Variants in RUNX1T1 observed in about 807,000 individuals in gnomAD.
RUNX1T1 encodes the protein RUNX1 partner transcriptional co-repressor 1.
Under a neutral mutation model 62.8 loss-of-function variants are expected in RUNX1T1, and 4 were observed. The observed-to-expected ratio is 0.06, with a 90% CI of 0.03 to 0.15. The LOEUF is 0.15. Ranked by LOEUF, RUNX1T1 falls within the 10% of genes least tolerant of loss-of-function variation. The pLI is 1.00. For missense variants in RUNX1T1, 508 were observed against 754.3 expected, an observed-to-expected ratio of 0.67 and a Z score of 3.82; for synonymous variants, 291 against 286.0, an observed-to-expected ratio of 1.02 and a Z score of -0.18.
At chr8:92,004,935 A>C in intron 5 of RUNX1T1, 181 bp downstream of exon 6, 2 of 553,810 alleles carry the variant, frequency 3.6e-6, no homozygotes, top group Non-Finnish European at 6.2e-6. Context: ...GTCCCAGGCC[A>C]GAGATTCAAA....
chr8:91,968,685 C>G (rs1395206692), intron 10 of RUNX1T1, among the ~76,000 whole-genome samples: 1 of 152,160 alleles, frequency 6.6e-6, no homozygotes, highest in African/African-American at 2.4e-5. Context: ...CAAAAATTAT[C>G]TTAATGATCC....
upstream of RUNX1T1, chr8:92,102,875 G>C (rs1439646036): frequency 1.8e-5 from 28 of 1,520,922 alleles, no homozygotes; most frequent in Admixed American, 5.5e-4. This position sits in a 1 kb window ranked among gnomAD's most constrained non-coding sequence, Gnocchi z 4.5. Context: ...GGGCCGGAGA[G>C]TCCCACCATC....
At chr8:91,956,401 T>C (rs1480644068), downstream of RUNX1T1, 1 of 229,330 alleles carries the variant, frequency 4.4e-6, no homozygotes. Context: ...GAATAAACTC[T>C]ACAGATTTGA....
chr8:92,060,133 ACAT>A (rs1195384907), intron 1 of RUNX1T1, among the ~76,000 whole-genome samples: 1 of 152,130 alleles, frequency 6.6e-6, no homozygotes, highest in Admixed American at 6.5e-5. Flanking sequence ...TCATAAGAAA[ACAT>A]TTTCCTTTTC....
chr8:91,960,666 A>T lies in RUNX1T1; in HGVS notation c.1459-149T>A, dbSNP rs888282981. 9 of 800,114 alleles carry T rather than the reference A, an allele frequency of 1.1e-5. No homozygotes were observed. The African/African-American group carries it at 1.6e-4, about 14-fold the overall frequency. 49.6% of individuals were successfully genotyped at this position (800,114 alleles called of 1,614,324 possible). A position where few individuals can be genotyped will look rare whatever the true frequency, so the allele number is the denominator to read the frequency against. ...TCCAGGTGTTCACGTATGGATACAA[A>T]CACTAAACACAGAAGATGCAGGTTT... On this transcript the variant is annotated intron_variant, in intron 10 of 10. Transcript: ENST00000396218.
In RUNX1T1 at chr8:92,060,922, T is replaced by TGAGAGA. The variant is rs56103756; in HGVS notation, c.7+1618_7+1623dup. Among the ~76,000 whole-genome samples the TGAGAGA allele has an allele frequency of 9.0e-3, 1,320 of 146,502 alleles. 11 individuals carry two copies. The highest frequency in any genetic ancestry group is 0.026 in the African/African-American group (1,034 of 40,080). ...GTACAAGGTTTTCTAACACAGTTGA[T>TGAGAGA]GAGAGAGAGAGAGAGAGAGAGAGAG... On this transcript the variant is annotated intron_variant, in intron 1 of 10. Transcript: ENST00000396218.
chr8:92,027,395 G>A (rs77780799), intron 1 of RUNX1T1, among the ~76,000 whole-genome samples: 2,634 of 152,182 alleles, frequency 0.017, 82 homozygotes, highest in African/African-American at 0.06. Flanking sequence ...CTCTGTGGCA[G>A]AAGTCCATGG....
At chr8:92,097,958 T>C (rs1837863605) in intron 1 of RUNX1T1, among the ~76,000 whole-genome samples, 1 of 152,220 alleles carries the variant, frequency 6.6e-6, no homozygotes, top group Non-Finnish European at 1.5e-5. Context: ...GTGGTTTCTA[T>C]AATCACAGCT....
intron 2 of RUNX1T1, among the ~76,000 whole-genome samples, chr8:92,016,149 T>C (rs1822952310): frequency 6.6e-6 from 1 of 152,224 alleles, no homozygotes; most frequent in Admixed American, 6.5e-5. Flanking sequence ...TAACATTTAT[T>C]AGTTTCACAA....
intron 1 of RUNX1T1, among the ~76,000 whole-genome samples, chr8:92,059,905 A>G (rs551059284): frequency 1.2e-4 from 19 of 152,288 alleles, no homozygotes; most frequent in Non-Finnish European, 2.2e-4. Flanking sequence ...GGTCTGACCT[A>G]ATACTAGCCA....
chr8:91,997,534 T>C (rs1021575775), intron 5 of RUNX1T1, among the ~76,000 whole-genome samples: 2 of 152,212 alleles, frequency 1.3e-5, no homozygotes, highest in African/African-American at 4.8e-5. Context: ...TCGACAGACA[T>C]TTCACAAGTC....
At chr8:91,969,072 C>CAA (rs567608188) in intron 10 of RUNX1T1, among the ~76,000 whole-genome samples, 164 of 135,162 alleles carry the variant, frequency 1.2e-3, no homozygotes, top group African/African-American at 3.9e-3. Flanking sequence ...CCCAAGAGGT[C>CAA]AAAAAAAAAA....
At position 91,986,128 on chromosome 8, in the gene RUNX1T1, T is replaced by C. The variant is rs1816509629; in HGVS notation, c.1194A>G (p.Ala398=). ...ACTCATCTGAAGAAAAGTTACCTAG[T>C]GCAACTGGGTCTGGGTTGACGGGAC... is the stretch of plus-strand genomic sequence containing the variant. The change falls in exon 8 of 11, where the codon GCA becomes GCG. Residue 398 remains alanine (A), a synonymous_variant. Transcript: ENST00000396218. The C allele has an allele frequency of 1.9e-6, 3 of 1,612,558 alleles. No individual in the cohort carries two copies. In the African/African-American group the frequency reaches 4.0e-5, roughly 21 times the overall value.
At chr8:92,005,421 G>T in intron 4 of RUNX1T1, 124 bp from the exon 6 acceptor site, 3 of 790,422 alleles carry the variant, frequency 3.8e-6, no homozygotes, top group Non-Finnish European at 5.8e-6. Context: ...TCAAATGCAT[G>T]CCATGGGCTG....
intron 1 of RUNX1T1, among the ~76,000 whole-genome samples, chr8:92,085,060 C>T (rs1264827832): frequency 2.0e-5 from 3 of 152,166 alleles, no homozygotes; most frequent in Non-Finnish European, 4.4e-5. Flanking sequence ...CTCATGACCA[C>T]CCTATGAGGC....
chr8:91,986,451 T>C, intron 7 of RUNX1T1, 126 bp from the exon 9 acceptor site: 1 of 696,680 alleles, frequency 1.4e-6, no homozygotes, highest in South Asian at 1.8e-5. Flanking sequence ...GGTTTCAGTC[T>C]AGTATTTTCT....
chr8:92,014,478 A>G, intron 3 of RUNX1T1, 101 bp downstream of exon 4: 1 of 1,102,176 alleles, frequency 9.1e-7, no homozygotes, highest in South Asian at 1.7e-5. Flanking sequence ...TGTAGAAACT[A>G]TTATAACAAA....
intron 9 of RUNX1T1, among the ~76,000 whole-genome samples, 184 bp downstream of exon 10, chr8:91,975,721 G>A (rs1266355538): frequency 6.6e-6 from 1 of 152,108 alleles, no homozygotes; most frequent in Non-Finnish European, 1.5e-5. Context: ...ATTTCATCTT[G>A]TAATCAGGCC....
At chr8:92,039,647 C>T (rs1828070061) in intron 1 of RUNX1T1, among the ~76,000 whole-genome samples, 1 of 152,188 alleles carries the variant, frequency 6.6e-6, no homozygotes, top group East Asian at 1.9e-4. Context: ...TGCACTAATA[C>T]ACCAAATAAA....
Sources: gnomAD v4.1 joint callset for allele counts (sites outside exome capture counted in the v4.1 genomes callset) on GRCh38, gnomAD v4.1.1 for gene constraint, Gnocchi (gnomAD v3.1) non-coding constraint, MANE v1.5 for transcripts, NCBI Gene and HGNC (gene_info 2026-07-23, HGNC 2026-07-21) for gene names.